RORA: variants seen among roughly 807,000 people sequenced by gnomAD.
RORA encodes the protein RAR related orphan receptor A.
A neutral mutation model predicts 69.5 loss-of-function variants in RORA; 7 were observed. The ratio of observed to expected loss-of-function variants is 0.10; its 90% CI spans 0.06 to 0.19. RORA has a LOEUF of 0.19. Ranked by LOEUF, RORA falls within the 10% of genes least tolerant of loss-of-function variation. The probability of loss-of-function intolerance (pLI) is 1.00; values close to 1 mark genes in which losing one functional copy is unlikely to be tolerated. For missense variants in RORA, 457 were observed against 663.0 expected (o/e 0.69, Z 3.41); for synonymous variants, 261 against 240.8 (o/e 1.08, Z -0.78).
intron 1 of RORA, among the ~76,000 whole-genome samples, chr15:61,036,949 T>G (rs1325383043): frequency 6.6e-6 from 1 of 152,066 alleles, no homozygotes; most frequent in Non-Finnish European, 1.5e-5. Flanking sequence ...GTATCTTCAC[T>G]TTTAACAAAC....
chr15:60,719,239 A>C (rs984245867), intron 1 of RORA, among the ~76,000 whole-genome samples: 1 of 152,076 alleles, frequency 6.6e-6, no homozygotes, highest in Non-Finnish European at 1.5e-5. Flanking sequence ...TATACAGTGA[A>C]GTATTTAGTG....
intron 1 of RORA, among the ~76,000 whole-genome samples, chr15:61,129,279 A>T (rs1405770855): frequency 6.6e-6 from 1 of 152,202 alleles, no homozygotes; most frequent in Non-Finnish European, 1.5e-5. Flanking sequence ...AAATAGTAAA[A>T]TACCTGGCGA....
Position 60,951,467 on chromosome 15 carries a change from C to T in RORA, c.167-272781G>A, listed in dbSNP as rs569997856. Among the ~76,000 whole-genome samples the T allele has an allele frequency of 1.4e-3, 217 of 150,868 alleles. 1 individual carries two copies. Among genetic ancestry groups the T allele is most frequent in the African/African-American group, 5.2e-3 (212 of 40,962 alleles). Reference sequence around the variant, plus strand: ...AGCAGAACTGAAGGAAACAGAGACACAAAAAACCCTTCAAAAAATTAAGGA... The same window carrying T: ...AGCAGAACTGAAGGAAACAGAGACATAAAAAACCCTTCAAAAAATTAAGGA... On this transcript the variant is annotated intron_variant, in intron 1 of 10. Coordinates refer to ENST00000335670, the MANE Select transcript of RORA (RefSeq NM_134261.3).
intron 1 of RORA, among the ~76,000 whole-genome samples, chr15:61,153,541 T>C (rs1246406146): frequency 6.6e-6 from 1 of 152,224 alleles, no homozygotes; most frequent in Non-Finnish European, 1.5e-5. Flanking sequence ...GTGGGTCTGA[T>C]GGCTGTTAAC....
chr15:61,046,004 G>A (rs1897001585), intron 1 of RORA, among the ~76,000 whole-genome samples: 1 of 152,158 alleles, frequency 6.6e-6, no homozygotes, highest in Non-Finnish European at 1.5e-5. Context: ...ACCAGAACAA[G>A]AGAGGGCTGG....
At chr15:61,196,127 C>A (rs1169412881) in intron 1 of RORA, among the ~76,000 whole-genome samples, 1 of 152,220 alleles carries the variant, frequency 6.6e-6, no homozygotes, top group African/African-American at 2.4e-5. Context: ...CCAAGGGTCA[C>A]AATTCAAATC....
In RORA at chr15:60,630,888, C is replaced by CTTTTTTTTTTT. The variant is rs542275787; in HGVS notation, c.196+47758_196+47768dup. On this transcript the variant is annotated intron_variant, in intron 2 of 10. Transcript: ENST00000335670. ...GGCATTTGGGCCAGGATGAGACTTTCTTTTTTTTTTTTTTTTTGAGACGGA... is the reference window on the plus strand; with the variant it reads ...GGCATTTGGGCCAGGATGAGACTTTCTTTTTTTTTTTTTTTTTTTTTTTTTTTTGAGACGGA... Among the ~76,000 whole-genome samples the CTTTTTTTTTTT allele has an allele frequency of 2.5e-3, 271 of 109,862 alleles. 8 individuals are homozygous for CTTTTTTTTTTT. Among genetic ancestry groups the CTTTTTTTTTTT allele is most frequent in the African/African-American group, 3.3e-3 (86 of 26,432 alleles). The allele number at this position is 109,862 out of a possible 152,430, so 72.1% of individuals were successfully genotyped here. A position where few individuals can be genotyped will look rare whatever the true frequency, so the allele number is the denominator to read the frequency against.
intron 1 of RORA, among the ~76,000 whole-genome samples, chr15:60,739,211 A>G (rs1374998557): frequency 6.6e-6 from 1 of 152,178 alleles, no homozygotes; most frequent in South Asian, 2.1e-4. Flanking sequence ...TCTGAAGGCA[A>G]CGTAGAAACC....
intron 1 of RORA, among the ~76,000 whole-genome samples, chr15:61,066,410 G>T (rs1479948017): frequency 7.0e-6 from 1 of 143,120 alleles, no homozygotes; most frequent in African/African-American, 2.6e-5. Context: ...GGAAGACAGG[G>T]CATATTCCTT....
At chr15:60,878,046 C>T (rs1442549811) in intron 1 of RORA, among the ~76,000 whole-genome samples, 2 of 151,656 alleles carry the variant, frequency 1.3e-5, no homozygotes, top group Admixed American at 6.6e-5. Flanking sequence ...AATTTTCCAG[C>T]GTTGGCCAGG....
chr15:60,780,517 A>T (rs2072238208), intron 1 of RORA, among the ~76,000 whole-genome samples: 1 of 152,244 alleles, frequency 6.6e-6, no homozygotes, highest in Non-Finnish European at 1.5e-5. Context: ...TCAATTAATA[A>T]TGTAGTTTTA....
At chr15:61,029,145 T>C (rs1312878048) in intron 1 of RORA, among the ~76,000 whole-genome samples, 1 of 151,464 alleles carries the variant, frequency 6.6e-6, no homozygotes, top group Non-Finnish European at 1.5e-5. Flanking sequence ...GGTCTGTGAA[T>C]TAAAAAAAAA....
Position 60,675,776 on chromosome 15 carries a change from A to C in RORA, c.196+2881T>G, listed in dbSNP as rs184771596. Among the ~76,000 whole-genome samples the C allele has an allele frequency of 2.8e-3, 421 of 152,318 alleles. 1 individual carries two copies. Among genetic ancestry groups the C allele is most frequent in the South Asian group, 5.0e-3 (24 of 4,832 alleles). On this transcript the variant is annotated intron_variant, in intron 2 of 10. Coordinates refer to ENST00000335670, the MANE Select transcript of RORA (RefSeq NM_134261.3). ...TAAAATACTATCTGGTGTCACAACT[A>C]TTCAGGCTCATTTTGCAGTATGTGC...
In RORA at chr15:60,503,682, A is replaced by G; in HGVS notation, c.943-15T>C. On this transcript the variant is annotated splice_polypyrimidine_tract_variant and intron_variant, in intron 6 of 10. Transcript: ENST00000335670. ...ACCTCCCGCTGCTGTTAAAGAGGGA[A>G]ACACATTAACATCCTCCAGGAAGAT... 3 of 1,612,956 alleles carry G rather than the reference A, an allele frequency of 1.9e-6. No individual in the cohort carries two copies. Among genetic ancestry groups the G allele is most frequent in the Non-Finnish European group, 2.5e-6 (3 of 1,179,778 alleles).
intron 1 of RORA, among the ~76,000 whole-genome samples, chr15:61,032,669 T>C (rs1209587005): frequency 6.6e-6 from 1 of 152,134 alleles, no homozygotes; most frequent in African/African-American, 2.4e-5. Context: ...GTCTAACAAA[T>C]GCTTAAGAGT....
chr15:60,842,021 C>T (rs565746624), intron 1 of RORA, among the ~76,000 whole-genome samples: 1 of 152,078 alleles, frequency 6.6e-6, no homozygotes, highest in Non-Finnish European at 1.5e-5. Flanking sequence ...ACTGCCATCA[C>T]GGATGCCTTC....
At chr15:60,910,951 T>C (rs1344998614) in intron 1 of RORA, among the ~76,000 whole-genome samples, 1 of 147,416 alleles carries the variant, frequency 6.8e-6, no homozygotes, top group Non-Finnish European at 1.5e-5. Flanking sequence ...TTGCCCAAGC[T>C]AGAGTGCAAT....
chr15:60,568,372 T>A (rs1383483695), intron 2 of RORA, among the ~76,000 whole-genome samples: 1 of 152,212 alleles, frequency 6.6e-6, no homozygotes, highest in African/African-American at 2.4e-5. Flanking sequence ...AGCACCTCCA[T>A]GAGGCAGCAT....
chr15:61,121,723 G>A (rs1392455201), intron 1 of RORA, among the ~76,000 whole-genome samples: 1 of 151,706 alleles, frequency 6.6e-6, no homozygotes, highest in Non-Finnish European at 1.5e-5. Flanking sequence ...ATAGGAACAG[G>A]AGAAACTGCA....
Sources: allele counts gnomAD v4.1 joint callset (sites outside exome capture counted in the v4.1 genomes callset), GRCh38; gene constraint gnomAD v4.1.1; transcripts MANE v1.5; gene names NCBI Gene and HGNC (gene_info 2026-07-23, HGNC 2026-07-21).